Variants in LUZP2 observed in about 807,000 individuals in gnomAD.
The protein encoded by LUZP2 is leucine zipper protein 2.
LUZP2 carries 52 observed loss-of-function variants against 51.6 expected under a neutral mutation model. The observed-to-expected ratio is 1.01, with a 90% confidence interval of 0.81 to 1.27. The LOEUF is 1.27. Among genes scored for constraint, LUZP2 ranks in the 50% most tolerant of loss-of-function variants. The probability of loss-of-function intolerance (pLI) is 0.00; values close to 1 mark genes in which losing one functional copy is unlikely to be tolerated. For missense variants in LUZP2, 436 were observed against 395.4 expected (o/e 1.10, Z -0.87); for synonymous variants, 154 against 137.3 (o/e 1.12, Z -0.85).
intron 1 of LUZP2, among the ~76,000 whole-genome samples, chr11:24,671,266 T>G (rs1335230581): frequency 6.6e-6 from 1 of 152,000 alleles, no homozygotes; most frequent in Non-Finnish European, 1.5e-5. Context: ...TTTACTTATT[T>G]ACAGCAGTTT....
At chr11:24,636,804 T>C (rs1855121425) in intron 1 of LUZP2, among the ~76,000 whole-genome samples, 1 of 151,958 alleles carries the variant, frequency 6.6e-6, no homozygotes, top group African/African-American at 2.4e-5. Flanking sequence ...TAAGAAAATA[T>C]AGAAAATAAA....
At chr11:24,632,529 G>A (rs1034331100) in intron 1 of LUZP2, among the ~76,000 whole-genome samples, 4 of 151,936 alleles carry the variant, frequency 2.6e-5, no homozygotes, top group African/African-American at 9.7e-5. Flanking sequence ...GATTTTTAAT[G>A]TATGGCCTTA....
intron 1 of LUZP2, among the ~76,000 whole-genome samples, chr11:24,515,675 T>A (rs1449365014): frequency 6.6e-6 from 1 of 152,030 alleles, no homozygotes; most frequent in East Asian, 1.9e-4. Flanking sequence ...GGAAAACAAA[T>A]TCCAGGAAGA....
At chr11:24,753,446 A>G (rs1331307899) in intron 4 of LUZP2, among the ~76,000 whole-genome samples, 2 of 152,124 alleles carry the variant, frequency 1.3e-5, no homozygotes, top group East Asian at 1.9e-4. Context: ...TCTCTTTAGA[A>G]TGAGAGTTTT....
chr11:24,753,461 T>C (rs538556501), intron 4 of LUZP2, among the ~76,000 whole-genome samples: 1 of 152,214 alleles, frequency 6.6e-6, no homozygotes, highest in Admixed American at 6.5e-5. Context: ...AGTTTTATGA[T>C]CCACAAACAG....
rs959341202 is a variant in LUZP2, at chr11:24,644,490, CT to C, written c.63-84666del. 4.9e-3 allele frequency among the ~76,000 whole-genome samples: 708 copies of C among 144,612 alleles called. 5 individuals carry two copies. Among genetic ancestry groups the C allele is most frequent in the African/African-American group, 0.013 (517 of 39,842 alleles). 94.9% of individuals were successfully genotyped at this position (144,612 alleles called of 152,430 possible). On this transcript the variant is annotated intron_variant, in intron 1 of 11. Coordinates refer to ENST00000336930, the MANE Select transcript of LUZP2 (RefSeq NM_001009909.4). The stretch of plus-strand genomic sequence containing the variant: ...CACATTCTCCTCCTTTCCAACCTCT[CT>C]TTTTTTTTTTTTCACAGCTACCCAA...
chr11:25,059,860 T>A (rs960362684), intron 10 of LUZP2, among the ~76,000 whole-genome samples: 1 of 152,168 alleles, frequency 6.6e-6, no homozygotes, highest in Non-Finnish European at 1.5e-5. Context: ...AAAGTGAGTA[T>A]CAGTGCTTCT....
intron 4 of LUZP2, among the ~76,000 whole-genome samples, chr11:24,742,027 T>TTTATG (rs1859195770): frequency 7.9e-6 from 1 of 126,032 alleles, no homozygotes; most frequent in Non-Finnish European, 1.6e-5. Context: ...ATTATATATT[T>TTTATG]TATATATAAA....
chr11:25,029,848 G>A (rs1349393526), intron 9 of LUZP2, among the ~76,000 whole-genome samples: 2 of 150,520 alleles, frequency 1.3e-5, no homozygotes, highest in African/African-American at 4.9e-5. Context: ...GGATACTATT[G>A]TATATGTTGT....
chr11:24,928,702 T>G (rs2133830261), intron 7 of LUZP2, among the ~76,000 whole-genome samples: 1 of 152,224 alleles, frequency 6.6e-6, no homozygotes, highest in East Asian at 1.9e-4. Context: ...AAATGTTATG[T>G]CCTTTTCTGG....
chr11:24,981,655 G>A (rs1247701309), intron 8 of LUZP2, among the ~76,000 whole-genome samples: 1 of 151,842 alleles, frequency 6.6e-6, no homozygotes, highest in Non-Finnish European at 1.5e-5. Context: ...GAGGAAATGA[G>A]AGTTTTATCA....
intron 7 of LUZP2, among the ~76,000 whole-genome samples, chr11:24,969,387 A>C (rs910961605): frequency 6.6e-6 from 1 of 152,168 alleles, no homozygotes; most frequent in Admixed American, 6.5e-5. Context: ...CTGAAAATGC[A>C]GGGTTCATTG....
intron 1 of LUZP2, among the ~76,000 whole-genome samples, chr11:24,645,719 T>C (rs1855442042): frequency 6.6e-6 from 1 of 152,022 alleles, no homozygotes; most frequent in Admixed American, 6.6e-5. Flanking sequence ...CCATTTTCAG[T>C]TTCAATTGCA....
chr11:24,560,863 G>A (rs898918509), intron 1 of LUZP2, among the ~76,000 whole-genome samples: 12 of 152,146 alleles, frequency 7.9e-5, no homozygotes, highest in Admixed American at 1.3e-4. Context: ...AGATTAATTG[G>A]TTATTGAGGA....
At chr11:24,764,737 C>G (rs2716533) in intron 5 of LUZP2, among the ~76,000 whole-genome samples, 89,705 of 151,838 alleles carry the variant, frequency 0.59, 27,309 homozygotes, top group Non-Finnish European at 0.68. Context: ...TGCCTGTAAT[C>G]CCAGTGCTTT....
At chr11:24,998,847 T>A (rs1339271565) in intron 9 of LUZP2, among the ~76,000 whole-genome samples, 1 of 152,092 alleles carries the variant, frequency 6.6e-6, no homozygotes, top group Non-Finnish European at 1.5e-5. Context: ...CTCTCAGGGA[T>A]CACAATACTG....
intron 5 of LUZP2, among the ~76,000 whole-genome samples, chr11:24,815,493 C>T (rs1906093): frequency 0.24 from 36,748 of 151,928 alleles, 5,489 homozygotes; most frequent in East Asian, 0.5. Flanking sequence ...AGGAAGTTAC[C>T]AATAAAAACA....
chr11:24,610,843 A>G (rs1341347618), intron 1 of LUZP2, among the ~76,000 whole-genome samples: 3 of 152,064 alleles, frequency 2.0e-5, no homozygotes, highest in Non-Finnish European at 4.4e-5. Flanking sequence ...TACTCAAGAG[A>G]CTGAGGCACA....
chr11:24,941,706 A>T (rs888130378), intron 7 of LUZP2, among the ~76,000 whole-genome samples: 3 of 152,194 alleles, frequency 2.0e-5, no homozygotes, highest in African/African-American at 4.8e-5. Context: ...CCCATCAGAA[A>T]GAAAAAATTC....
Sources: allele counts gnomAD v4.1 joint callset (sites outside exome capture counted in the v4.1 genomes callset), GRCh38; gene constraint gnomAD v4.1.1; transcripts MANE v1.5; gene names NCBI Gene and HGNC (gene_info 2026-07-23, HGNC 2026-07-21).